The following DPP6 variants were observed in gnomAD, a reference collection of about 807,000 sequenced individuals.
DPP6 encodes dipeptidyl peptidase like 6.
Under a neutral mutation model 122.6 loss-of-function variants are expected in DPP6, and 69 were observed. The ratio of observed to expected loss-of-function variants is 0.56; its 90% confidence interval spans 0.46 to 0.69. The LOEUF is 0.69. Ranked by LOEUF, DPP6 falls within the 30% of genes least tolerant of loss-of-function variation. The probability of loss-of-function intolerance (pLI) is 0.00; values close to 1 mark genes in which losing one functional copy is unlikely to be tolerated. For synonymous variants in DPP6, 418 were observed against 433.1 expected (o/e 0.97, Z 0.43); for missense variants, 928 against 1,116.9 (o/e 0.83, Z 2.41).
intron 1 of DPP6, among the ~76,000 whole-genome samples, chr7:153,960,700 TGTGAATGTGTGTGCATGC>T (rs1795309746): frequency 1.6e-5 from 2 of 127,596 alleles, no homozygotes; most frequent in African/African-American, 3.2e-5. Flanking sequence ...TGCATGTGTG[TGTGAATGTGTGTGCATGC>T]GTGTGTGTGT....
chr7:154,093,144 ACAT>A (rs1804991106), intron 1 of DPP6, among the ~76,000 whole-genome samples: 1 of 143,814 alleles, frequency 7.0e-6, no homozygotes, highest in African/African-American at 2.6e-5. Context: ...CCTACATATG[ACAT>A]CATACATCAT....
chr7:153,886,419 G>A (rs1214177333), upstream of DPP6, among the ~76,000 whole-genome samples: 5 of 151,360 alleles, frequency 3.3e-5, no homozygotes, highest in Non-Finnish European at 7.4e-5. Context: ...GCCCCGGCCA[G>A]TGCTGGGGTT....
chr7:153,840,011 G>A, the DPP6 span, among the ~76,000 whole-genome samples: 1 of 152,174 alleles, frequency 6.6e-6, no homozygotes, highest in East Asian at 1.9e-4. Context: ...GTCCAACAAT[G>A]AAAGCTCTAC....
intron 1 of DPP6, among the ~76,000 whole-genome samples, chr7:154,203,216 G>T (rs952483738): frequency 6.6e-6 from 1 of 152,208 alleles, no homozygotes; most frequent in Non-Finnish European, 1.5e-5. Flanking sequence ...CATTTAGAGT[G>T]CATGGGGCTG....
the DPP6 span, among the ~76,000 whole-genome samples, chr7:153,794,125 C>T: frequency 1.3e-5 from 2 of 152,180 alleles, no homozygotes; most frequent in African/African-American, 2.4e-5. Context: ...AGGGCACCTC[C>T]CAGTGGAGCT....
intron 10 of DPP6, among the ~76,000 whole-genome samples, chr7:154,782,880 T>C (rs1797113893): frequency 6.6e-6 from 1 of 151,854 alleles, no homozygotes; most frequent in African/African-American, 2.4e-5. Flanking sequence ...GCCTCCCGGG[T>C]TCAAGCAATT....
intron 1 of DPP6, among the ~76,000 whole-genome samples, chr7:154,156,381 C>T (rs1474220891): frequency 2.0e-5 from 3 of 152,220 alleles, no homozygotes; most frequent in Admixed American, 2.0e-4. Context: ...AGGGGCAGCC[C>T]TGACCAGGGA....
chr7:154,167,810 C>T (rs1797330949), intron 1 of DPP6, among the ~76,000 whole-genome samples: 1 of 152,200 alleles, frequency 6.6e-6, no homozygotes, highest in South Asian at 2.1e-4. Flanking sequence ...TTGCTAAACC[C>T]TACAAACTGC....
intron 1 of DPP6, among the ~76,000 whole-genome samples, chr7:153,967,922 A>G (rs979488234): frequency 1.3e-5 from 2 of 151,734 alleles, no homozygotes; most frequent in African/African-American, 2.4e-5. Context: ...GTAGTATTCC[A>G]TGGTGTATAT....
At chr7:154,292,014 G>A (rs1805243167) in intron 1 of DPP6, among the ~76,000 whole-genome samples, 1 of 152,148 alleles carries the variant, frequency 6.6e-6, no homozygotes, top group Admixed American at 6.5e-5. Flanking sequence ...AGCAGATGAG[G>A]AGAGGAAAGG....
the DPP6 span, among the ~76,000 whole-genome samples, chr7:153,776,252 T>C: frequency 1.3e-5 from 2 of 152,184 alleles, no homozygotes; most frequent in Non-Finnish European, 2.9e-5. Context: ...AATCTCATCT[T>C]GAATTGTAGT....
At chr7:154,108,896 T>C (rs185611266) in intron 1 of DPP6, among the ~76,000 whole-genome samples, 1 of 152,350 alleles carries the variant, frequency 6.6e-6, no homozygotes, top group East Asian at 1.9e-4. Flanking sequence ...GGGGAAGTTA[T>C]TACATGAGAT....
At chr7:154,631,722 T>C (rs551558526) in intron 5 of DPP6, among the ~76,000 whole-genome samples, 1 of 151,984 alleles carries the variant, frequency 6.6e-6, no homozygotes, top group East Asian at 1.9e-4. Flanking sequence ...AGAGGTTTTT[T>C]GTTTGTTTTG....
chr7:154,407,421 G>C (rs1318868279), intron 1 of DPP6, among the ~76,000 whole-genome samples: 1 of 152,144 alleles, frequency 6.6e-6, no homozygotes, highest in Non-Finnish European at 1.5e-5. Flanking sequence ...GTATCTTTCA[G>C]TGCCTAGCCA....
At chr7:154,484,545 C>G (rs991896045) in intron 3 of DPP6, among the ~76,000 whole-genome samples, 3 of 152,210 alleles carry the variant, frequency 2.0e-5, no homozygotes, top group Non-Finnish European at 2.9e-5. Context: ...AAGCTGCTCG[C>G]TGGGCCTGAT....
intron 10 of DPP6, among the ~76,000 whole-genome samples, chr7:154,790,646 C>T (rs1797614501): frequency 6.6e-6 from 1 of 151,998 alleles, no homozygotes; most frequent in Non-Finnish European, 1.5e-5. Flanking sequence ...AATTGTAGAA[C>T]CAAGGCTTTC....
chr7:154,156,501 G>A (rs573052400), intron 1 of DPP6, among the ~76,000 whole-genome samples: 53 of 152,302 alleles, frequency 3.5e-4, no homozygotes, highest in South Asian at 3.1e-3. Context: ...TAAGTAAGTG[G>A]AGTTGATCTT....
At chr7:154,478,415 C>T (rs915603715) in intron 3 of DPP6, among the ~76,000 whole-genome samples, 2 of 152,126 alleles carry the variant, frequency 1.3e-5, no homozygotes, top group African/African-American at 2.4e-5. Context: ...CCACTACCAC[C>T]ATCACAGTCT....
chr7:154,886,528 T>C (rs1201265921), intron 22 of DPP6, among the ~76,000 whole-genome samples: 2 of 152,222 alleles, frequency 1.3e-5, no homozygotes, highest in African/African-American at 4.8e-5. Flanking sequence ...TGAACCCATT[T>C]CTTAGAATAT....
Sources: gnomAD v4.1 joint callset for allele counts (sites outside exome capture counted in the v4.1 genomes callset) on GRCh38, gnomAD v4.1.1 for gene constraint, MANE v1.5 for transcripts, NCBI Gene and HGNC (gene_info 2026-07-23, HGNC 2026-07-21) for gene names.